The following DPM1 variants were observed in gnomAD, a reference collection of about 807,000 sequenced individuals.
DPM1 encodes the protein dolichol-phosphate mannosyltransferase subunit 1.
Under a neutral mutation model 39.0 loss-of-function variants are expected in DPM1, and 27 were observed. That is an observed-to-expected ratio of 0.69 (90% CI 0.51 to 0.95). The LOEUF (loss-of-function observed/expected upper bound fraction) is 0.95. Among genes scored for constraint, DPM1 ranks in the 40% least tolerant of loss-of-function variants. The pLI, the probability that DPM1 is intolerant of heterozygous loss-of-function variation, is 0.00. For missense variants in DPM1, 307 were observed against 315.6 expected (o/e 0.97, Z 0.21); for synonymous variants, 124 against 109.0 (o/e 1.14, Z -0.86).
In DPM1 at chr20:50,942,125, T is replaced by G; in HGVS notation, c.400A>C (p.Lys134Gln). 6.2e-7 allele frequency: 1 copy of G among 1,613,070 alleles called. No homozygotes were observed. Among genetic ancestry groups the G allele is most frequent in the African/African-American group, 1.3e-5 (1 of 75,024 alleles). ...HPKFIPEFIR[K>Q]QKEGNFDIVS... is the part of the protein sequence containing the mutation. ...ATATCAAAATTACCCTCCTTTTGCT[T>G]CCTGTAGAATAAATTAGCTGTCAAT... The change falls in exon 6 of 9, where the codon AAG becomes CAG. Residue 134 changes from lysine (K) to glutamine (Q), a missense_variant and splice_region_variant. By Grantham distance (53) the Lys-to-Gln change is moderately conservative (BLOSUM62 1). This residue lies in a region of DPM1 where 206 missense variants were observed against 188.2 expected (regional missense o/e 1.09). Transcript: ENST00000371588.
At chr20:50,958,555 T>C, upstream of DPM1, 2 of 1,611,694 alleles carry the variant, frequency 1.2e-6, no homozygotes, top group Non-Finnish European at 1.7e-6. Flanking sequence ...GGAAGCGGAA[T>C]TACGTAATGT....
chr20:50,935,074 C>G lies in DPM1; in HGVS notation c.*58G>C. On this transcript the variant is annotated 3_prime_UTR_variant, in exon 9 of 9. Coordinates refer to ENST00000371588, the MANE Select transcript of DPM1 (RefSeq NM_003859.3). ...GAGTACATTTTATACAAATCAGTAA[C>G]CAGGCTTCTTTCATGTTTAACCTGA... 1.0e-6 allele frequency: 1 copy of G among 1,001,600 alleles called. No individual in the cohort carries two copies. Among genetic ancestry groups the G allele is most frequent in the South Asian group, 1.3e-5 (1 of 75,692 alleles). 62.0% of individuals were successfully genotyped at this position (1,001,600 alleles called of 1,614,324 possible). A position where few individuals can be genotyped will look rare whatever the true frequency, so the allele number is the denominator to read the frequency against.
chr20:50,952,914 T>C (rs542816806), intron 2 of DPM1, among the ~76,000 whole-genome samples: 35 of 152,344 alleles, frequency 2.3e-4, no homozygotes, highest in African/African-American at 8.2e-4. Context: ...TATTATATAG[T>C]TGAAATTTAC....
intron 1 of DPM1, among the ~76,000 whole-genome samples, chr20:50,957,261 CT>C (rs1986875673): frequency 6.6e-6 from 1 of 152,200 alleles, no homozygotes; most frequent in African/African-American, 2.4e-5. Context: ...CTCAGGCGGG[CT>C]GGTTGATAGG....
intron 8 of DPM1, 31 bp downstream of exon 8, chr20:50,936,117 C>T: frequency 6.7e-7 from 1 of 1,484,002 alleles, no homozygotes; most frequent in Non-Finnish European, 9.4e-7. Flanking sequence ...TTACCAGGAA[C>T]ATGACACACT....
Position 50,955,853 on chromosome 20 carries a change from G to A in DPM1, c.162-568C>T, listed in dbSNP as rs539320290. Among the ~76,000 whole-genome samples the A allele has an allele frequency of 4.6e-5, 7 of 152,250 alleles. No homozygotes were observed. In the East Asian group the frequency reaches 5.8e-4, roughly 13 times the overall value. ...GCTGGGATTACAGGCATGAGCCTCC[G>A]TGCCCAGCCATATGAAATTTTATTA... is the stretch of plus-strand genomic sequence containing the variant. On this transcript the variant is annotated intron_variant, in intron 1 of 8. Coordinates refer to ENST00000371588, the MANE Select transcript of DPM1 (RefSeq NM_003859.3).
intron 2 of DPM1, among the ~76,000 whole-genome samples, chr20:50,954,470 T>C (rs1325100555): frequency 6.6e-6 from 1 of 152,170 alleles, no homozygotes; most frequent in Non-Finnish European, 1.5e-5. Context: ...ACTGAAAAAC[T>C]GTGGTCTGCA....
Position 50,941,244 on chromosome 20 carries a change from AT to A in DPM1, c.495-312del, listed in dbSNP as rs1284044697. Reference sequence around the variant, plus strand: ...AAAAAGTGAATATATATATATATATATATATATATATATATATATAAATAAA... The same window carrying A: ...AAAAAGTGAATATATATATATATATAATATATATATATATATATAAATAAA... On this transcript the variant is annotated intron_variant, in intron 6 of 8. Transcript: ENST00000371588. The A allele has an allele frequency of 3.0e-5, 5 of 165,478 alleles. 1 individual carries two copies. The highest frequency in any genetic ancestry group is 1.5e-4 in the African/African-American group (5 of 32,852). The allele number at this position is 165,478 out of a possible 1,614,324, so 10.3% of individuals were successfully genotyped here.
Position 50,958,339 on chromosome 20 carries a change from GGGGA to G in DPM1, c.161+20_161+23del, listed in dbSNP as rs1568776874. On this transcript the variant is annotated intron_variant, in intron 1 of 8. Coordinates refer to ENST00000371588, the MANE Select transcript of DPM1 (RefSeq NM_003859.3). ...GGGAAGCCAGCTCATCTCATTCTTC[GGGGA>G]GGGAGACCTGGTGCGCTACCTCTCG... is the stretch of plus-strand genomic sequence containing the variant. 6.2e-7 allele frequency: 1 copy of G among 1,611,392 alleles called. No homozygotes were observed. Among genetic ancestry groups the G allele is most frequent in the Non-Finnish European group, 8.5e-7 (1 of 1,179,942 alleles).
At position 50,937,454 on chromosome 20, in the gene DPM1, T is replaced by G. The variant is rs77442849; in HGVS notation, c.564-1192A>C. Reference sequence around the variant, plus strand: ...ATTGACCAATGTACTGGGTTTCAGGTTTTTTTTTTATGTTTTGGGGTTAAG... The same window carrying G: ...ATTGACCAATGTACTGGGTTTCAGGGTTTTTTTTTATGTTTTGGGGTTAAG... On this transcript the variant is annotated intron_variant, in intron 7 of 8. Coordinates refer to ENST00000371588, the MANE Select transcript of DPM1 (RefSeq NM_003859.3). Among the ~76,000 whole-genome samples the G allele has an allele frequency of 7.0e-4, 104 of 148,258 alleles. 2 individuals are homozygous for G. In the East Asian group the frequency reaches 0.019, roughly 27 times the overall value.
At position 50,936,265 on chromosome 20, in the gene DPM1, G is replaced by C. The variant is rs1344036287; in HGVS notation, c.564-3C>G. 2 of 1,565,352 alleles carry C rather than the reference G, an allele frequency of 1.3e-6. No individual in the cohort carries two copies. The highest frequency in any genetic ancestry group is 4.5e-5 in the East Asian group (2 of 44,518). On this transcript the variant is annotated splice_region_variant and splice_polypyrimidine_tract_variant and intron_variant, in intron 7 of 8. Coordinates refer to ENST00000371588, the MANE Select transcript of DPM1 (RefSeq NM_003859.3). ...CTAGAACTTCTTTTCGGTATAATCT[G>C]TAAGAAATTAAAAATATATATCAAC...
intron 2 of DPM1, among the ~76,000 whole-genome samples, chr20:50,952,296 CACAG>C (rs1986623462): frequency 1.3e-5 from 2 of 152,168 alleles, no homozygotes; most frequent in African/African-American, 2.4e-5. Context: ...TAAAACTTAT[CACAG>C]ACAATCTTGA....
intron 6 of DPM1, among the ~76,000 whole-genome samples, chr20:50,941,374 TTATATATATTCA>T (rs1214884499): frequency 1.5e-4 from 21 of 142,826 alleles, no homozygotes; most frequent in Non-Finnish European, 2.6e-4. Flanking sequence ...TATATTCATA[TTATATATATTCA>T]TATATATATT....
chr20:50,950,953 C>A (rs1314832532), intron 2 of DPM1, among the ~76,000 whole-genome samples: 2 of 152,132 alleles, frequency 1.3e-5, no homozygotes, highest in Non-Finnish European at 2.9e-5. Flanking sequence ...CTTTCTAAGA[C>A]CCCCAGGAGA....
chr20:50,943,667 G>A (rs893347616), intron 5 of DPM1, among the ~76,000 whole-genome samples: 34 of 149,866 alleles, frequency 2.3e-4, no homozygotes, highest in Non-Finnish European at 4.6e-4. Context: ...CACAATAAAC[G>A]TTTTTATAAA....
chr20:50,945,979 T>C (rs1430197949), intron 3 of DPM1, 56 bp from the exon 4 acceptor site: 1 of 1,443,670 alleles, frequency 6.9e-7, no homozygotes, highest in Non-Finnish European at 9.7e-7. Context: ...TACATATACA[T>C]TTGAACATCA....
intron 8 of DPM1, 123 bp from the exon 9 acceptor site, chr20:50,935,359 T>C: frequency 1.5e-6 from 1 of 685,244 alleles, no homozygotes; most frequent in South Asian, 1.7e-5. Flanking sequence ...TTAAAGTAAG[T>C]ATAAAATTAG....
chr20:50,939,061 G>GA (rs1985473163), intron 7 of DPM1, among the ~76,000 whole-genome samples: 2 of 152,136 alleles, frequency 1.3e-5, no homozygotes, highest in Non-Finnish European at 2.9e-5. Flanking sequence ...ACAGAACACA[G>GA]CTAATCATTG....
intron 3 of DPM1, among the ~76,000 whole-genome samples, 182 bp downstream of exon 3, chr20:50,948,447 C>G (rs1986404875): frequency 6.6e-6 from 1 of 152,144 alleles, no homozygotes; most frequent in African/African-American, 2.4e-5. Context: ...GTTCTGTTTT[C>G]CTGAGTGGGT....
Sources: gnomAD v4.1 joint callset for allele counts (sites outside exome capture counted in the v4.1 genomes callset) on GRCh38, gnomAD v4.1.1 for gene constraint, gnomAD v4.1.1 regional missense constraint, MANE v1.5 for transcripts, NCBI Gene and HGNC (gene_info 2026-07-23, HGNC 2026-07-21) for gene names.